Variants in CRTC1 observed in about 807,000 individuals in gnomAD.
CRTC1 encodes CREB-regulated transcription coactivator 1.
In CRTC1, 18 loss-of-function variants were observed where a neutral mutation model predicts 66.1. That is an observed-to-expected ratio of 0.27 (90% confidence interval 0.19 to 0.40). The LOEUF is 0.40. Among genes scored for constraint, CRTC1 ranks in the 10% least tolerant of loss-of-function variants. The pLI is 1.00. For missense variants in CRTC1, 669 were observed against 887.9 expected (o/e 0.75, Z 3.13); for synonymous variants, 416 against 398.8 (o/e 1.04, Z -0.51).
chr19:18,711,874 A>G (rs1332790687), intron 1 of CRTC1, among the ~76,000 whole-genome samples: 2 of 152,226 alleles, frequency 1.3e-5, no homozygotes, highest in African/African-American at 2.4e-5. Context: ...CCACACTGCC[A>G]GAACCTTGGG....
chr19:18,715,224 TCTC>T (rs1331663779), intron 1 of CRTC1, among the ~76,000 whole-genome samples: 2 of 152,046 alleles, frequency 1.3e-5, no homozygotes, highest in African/African-American at 2.4e-5. Flanking sequence ...TCTTTCCCCT[TCTC>T]CTCTCTTTTT....
rs1469858876 is a variant in CRTC1, at chr19:18,778,338, G to A, written c.*956G>A. ...GTTACATTTTGGTTGTAGATGACTC[G>A]CTTAATCTTTTAAGCCAACACTTGC... On this transcript the variant is annotated 3_prime_UTR_variant, in exon 14 of 14. Transcript: ENST00000321949. The A allele has an allele frequency of 2.2e-5, 5 of 232,264 alleles. No homozygotes were observed. The East Asian group carries it at 3.0e-4, about 14-fold the overall frequency. 14.4% of individuals were successfully genotyped at this position (232,264 alleles called of 1,614,324 possible). A position where few individuals can be genotyped will look rare whatever the true frequency, so the allele number is the denominator to read the frequency against.
chr19:18,726,024 A>G (rs577028287), intron 1 of CRTC1, among the ~76,000 whole-genome samples: 42 of 152,240 alleles, frequency 2.8e-4, no homozygotes, highest in African/African-American at 9.4e-4. Context: ...CGACTCATGT[A>G]CCGCGCCCTC....
intron 1 of CRTC1, among the ~76,000 whole-genome samples, chr19:18,728,185 C>A (rs1303402394): frequency 6.6e-6 from 1 of 152,132 alleles, no homozygotes; most frequent in Non-Finnish European, 1.5e-5. Context: ...GACAAGTGAC[C>A]CCTCCCCTGG....
chr19:18,691,444 C>G (rs2052833165), intron 1 of CRTC1, among the ~76,000 whole-genome samples: 1 of 149,886 alleles, frequency 6.7e-6, no homozygotes, highest in African/African-American at 2.5e-5. Flanking sequence ...ATCACTTGAG[C>G]CCAAGAGTTA....
intron 1 of CRTC1, among the ~76,000 whole-genome samples, chr19:18,729,147 C>T (rs938883175): frequency 7.7e-4 from 107 of 139,048 alleles, no homozygotes; most frequent in Admixed American, 1.6e-3. Flanking sequence ...TCAGGCTGGC[C>T]GGGCGCGGTG....
chr19:18,684,233 A>G (rs967219498), intron 1 of CRTC1, among the ~76,000 whole-genome samples: 5 of 151,182 alleles, frequency 3.3e-5, no homozygotes, highest in Admixed American at 2.6e-4. Context: ...CCCCCGCATC[A>G]TTGCTACCTG....
At chr19:18,739,280 G>A (rs754384805) in intron 1 of CRTC1, among the ~76,000 whole-genome samples, 3 of 152,242 alleles carry the variant, frequency 2.0e-5, no homozygotes, top group African/African-American at 4.8e-5. Flanking sequence ...GGCTGGAGCT[G>A]CTGTGGCATC....
At chr19:18,754,001 T>A (rs1029062510) in intron 6 of CRTC1, among the ~76,000 whole-genome samples, 1 of 150,376 alleles carries the variant, frequency 6.6e-6, no homozygotes, top group Admixed American at 6.7e-5. Context: ...CTTGGGAGAC[T>A]GAGGTGGGAG....
rs780747684 is a variant in CRTC1, at chr19:18,704,323, A to G, written c.126+20495A>G. On this transcript the variant is annotated intron_variant, in intron 1 of 13. Transcript: ENST00000321949. ...GGGTCTTGCCATGTTGCCCAGGCTCAAGTGATCCACCCTCCTTGGTCTCCC... is the reference window on the plus strand; with the variant it reads ...GGGTCTTGCCATGTTGCCCAGGCTCGAGTGATCCACCCTCCTTGGTCTCCC... 5.3e-5 allele frequency among the ~76,000 whole-genome samples: 8 copies of G among 152,092 alleles called. 1 individual carries two copies. The highest frequency in any genetic ancestry group is 4.1e-4 in the South Asian group (2 of 4,826).
intron 1 of CRTC1, among the ~76,000 whole-genome samples, chr19:18,696,000 A>G (rs1476249807): frequency 6.6e-6 from 1 of 152,134 alleles, no homozygotes; most frequent in Non-Finnish European, 1.5e-5. Context: ...TGCCGGGAGC[A>G]TGCAGGTGCA....
chr19:18,746,342 G>A (rs2054235935), intron 3 of CRTC1, among the ~76,000 whole-genome samples: 2 of 152,320 alleles, frequency 1.3e-5, no homozygotes, highest in African/African-American at 4.8e-5. Flanking sequence ...CGCGCTGCAC[G>A]GAGGGCAGCC....
chr19:18,708,554 G>T (rs1023845881), intron 1 of CRTC1, among the ~76,000 whole-genome samples: 14 of 152,188 alleles, frequency 9.2e-5, no homozygotes, highest in Non-Finnish European at 1.9e-4. Flanking sequence ...AGGGGCTGCT[G>T]GGCTGGAGGA....
At chr19:18,744,960 G>C (rs2054198265) in intron 2 of CRTC1, among the ~76,000 whole-genome samples, 1 of 152,216 alleles carries the variant, frequency 6.6e-6, no homozygotes, top group South Asian at 2.1e-4. Flanking sequence ...GCTGCCCAGA[G>C]AAGGCATAAG....
chr19:18,688,414 C>G (rs865812765), intron 1 of CRTC1, among the ~76,000 whole-genome samples: 1 of 151,936 alleles, frequency 6.6e-6, no homozygotes, highest in Non-Finnish European at 1.5e-5. Flanking sequence ...GTCTGGGAAG[C>G]CTCCCTGCTT....
At chr19:18,759,718 A>G (rs1441972131) in intron 7 of CRTC1, 127 bp downstream of exon 7, 6 of 1,072,344 alleles carry the variant, frequency 5.6e-6, no homozygotes, top group Admixed American at 2.1e-5. Flanking sequence ...ACCAGAGGCC[A>G]GTGACAGAGC....
At chr19:18,731,887 G>A (rs2053897614) in intron 1 of CRTC1, among the ~76,000 whole-genome samples, 2 of 152,176 alleles carry the variant, frequency 1.3e-5, no homozygotes, top group South Asian at 4.1e-4. Flanking sequence ...GCACACTGGA[G>A]CCCGACCCAG....
rs1449980601 is a variant in CRTC1 at position 18,777,763 on chromosome 19, AG to A, written c.*384del. 7 of 332,728 alleles carry A rather than the reference AG, an allele frequency of 2.1e-5. No individual in the cohort carries two copies. The highest frequency in any genetic ancestry group is 1.5e-4 in the African/African-American group (7 of 45,936). The allele number at this position is 332,728 out of a possible 1,614,324, so 20.6% of individuals were successfully genotyped here. ...AGGGGAGGGGCGCGCATGGTCCGCC[AG>A]GGCTGTGGGCCGTGGCGCATTTTCC... On this transcript the variant is annotated 3_prime_UTR_variant, in exon 14 of 14. Transcript: ENST00000321949. This position sits in a 1 kb window ranked among gnomAD's most constrained non-coding sequence, Gnocchi z 5.5.
At chr19:18,748,549 T>C (rs1412525952) in intron 4 of CRTC1, among the ~76,000 whole-genome samples, 3 of 144,954 alleles carry the variant, frequency 2.1e-5, no homozygotes, top group Non-Finnish European at 4.5e-5. Flanking sequence ...AATAGAAATA[T>C]ATATAACAGG....
Sources: gnomAD v4.1 joint callset for allele counts (sites outside exome capture counted in the v4.1 genomes callset) on GRCh38, gnomAD v4.1.1 for gene constraint, Gnocchi (gnomAD v3.1) non-coding constraint, MANE v1.5 for transcripts, NCBI Gene and HGNC (gene_info 2026-07-23, HGNC 2026-07-21) for gene names.